Variants in ARHGAP44 observed in about 807,000 individuals in gnomAD.
ARHGAP44 encodes the protein rho GTPase-activating protein 44.
In ARHGAP44, 43 loss-of-function variants were observed where a neutral mutation model predicts 106.8. That is an observed-to-expected ratio of 0.40 (90% CI 0.32 to 0.52). ARHGAP44 has a LOEUF of 0.52. Ranked by LOEUF, ARHGAP44 falls within the 20% of genes least tolerant of loss-of-function variation. ARHGAP44 has a pLI of 0.48. For missense variants in ARHGAP44, 866 were observed against 1,050.5 expected (o/e 0.82, Z 2.43); for synonymous variants, 439 against 410.3 (o/e 1.07, Z -0.85).
rs1366501758 is a variant in ARHGAP44, at chr17:12,789,626, T to C, written c.-213T>C. Reference sequence around the variant, plus strand: ...TGCCCCGGGCATTGCGCGGCGCGCGTGAGGGGGATGCGGCAGGAGGCGGCG... The same window carrying C: ...TGCCCCGGGCATTGCGCGGCGCGCGCGAGGGGGATGCGGCAGGAGGCGGCG... On this transcript the variant is annotated 5_prime_UTR_variant, in exon 1 of 21. Transcript: ENST00000379672. 5 of 325,968 alleles carry C rather than the reference T, an allele frequency of 1.5e-5. No homozygotes were observed. Among genetic ancestry groups the C allele is most frequent in the African/African-American group, 4.4e-5 (2 of 45,960 alleles). The allele number at this position is 325,968 out of a possible 1,614,324, so 20.2% of individuals were successfully genotyped here.
chr17:12,967,243 T>C (rs1420307560), intron 16 of ARHGAP44, among the ~76,000 whole-genome samples: 1 of 138,200 alleles, frequency 7.2e-6, no homozygotes, highest in African/African-American at 2.9e-5. Context: ...TCCACAACTC[T>C]TTTTGCTTTT....
At chr17:12,832,739 A>C (rs1426952993) in intron 1 of ARHGAP44, among the ~76,000 whole-genome samples, 1 of 152,198 alleles carries the variant, frequency 6.6e-6, no homozygotes. Context: ...AATTTTCTCT[A>C]TTATAATTTT....
At chr17:12,798,461 C>T (rs765147306) in intron 1 of ARHGAP44, among the ~76,000 whole-genome samples, 1 of 151,836 alleles carries the variant, frequency 6.6e-6, no homozygotes, top group Non-Finnish European at 1.5e-5. Context: ...ATAATTTATT[C>T]CGTATATATT....
At chr17:12,950,847 G>T (rs2038975840) in intron 12 of ARHGAP44, among the ~76,000 whole-genome samples, 1 of 152,152 alleles carries the variant, frequency 6.6e-6, no homozygotes. Flanking sequence ...AGTTGTTGGT[G>T]TGTTTCTCAA....
At chr17:12,947,279 C>T (rs1182321766) in intron 10 of ARHGAP44, among the ~76,000 whole-genome samples, 1 of 152,212 alleles carries the variant, frequency 6.6e-6, no homozygotes, top group African/African-American at 2.4e-5. Context: ...TTACTGCCAG[C>T]CTCCTTGGCC....
chr17:12,825,491 T>C lies in ARHGAP44; in HGVS notation c.53+35600T>C, dbSNP rs373074431. On this transcript the variant is annotated intron_variant, in intron 1 of 20. Coordinates refer to ENST00000379672, the MANE Select transcript of ARHGAP44 (RefSeq NM_014859.6). The stretch of plus-strand genomic sequence containing the variant: ...GATTTTAAGGAGTTGGCTCATGTGG[T>C]TGTGGGGATTGTTAAGCTTGAAATC... 4.6e-5 allele frequency among the ~76,000 whole-genome samples: 7 copies of C among 151,700 alleles called. No homozygotes were observed. The East Asian group carries it at 7.8e-4, about 17-fold the overall frequency.
intron 1 of ARHGAP44, among the ~76,000 whole-genome samples, chr17:12,822,119 A>G (rs1430840995): frequency 6.6e-6 from 1 of 152,198 alleles, no homozygotes; most frequent in Non-Finnish European, 1.5e-5. Context: ...AAGGGTTGGC[A>G]AACTTTCCTG....
intron 1 of ARHGAP44, among the ~76,000 whole-genome samples, chr17:12,859,263 C>T (rs1346576565): frequency 6.6e-6 from 1 of 152,180 alleles, no homozygotes; most frequent in Admixed American, 6.5e-5. Context: ...GACAGATTCT[C>T]CCTCACAGCC....
chr17:12,811,561 A>G (rs1024783494), intron 1 of ARHGAP44, among the ~76,000 whole-genome samples: 1 of 152,076 alleles, frequency 6.6e-6, no homozygotes, highest in African/African-American at 2.4e-5. Context: ...GTATAAGTGG[A>G]CCTGCACAGT....
intron 16 of ARHGAP44, among the ~76,000 whole-genome samples, chr17:12,967,620 A>G (rs1189539064): frequency 2.0e-5 from 3 of 152,076 alleles, no homozygotes; most frequent in African/African-American, 7.2e-5. Flanking sequence ...GGGGGCTTAG[A>G]AGTGAGCAGA....
chr17:12,867,663 A>G (rs1440216287), intron 1 of ARHGAP44, among the ~76,000 whole-genome samples: 2 of 152,194 alleles, frequency 1.3e-5, no homozygotes, highest in African/African-American at 2.4e-5. Context: ...CATGGAATCT[A>G]TCCTTACACG....
chr17:12,792,650 T>A (rs951375091), intron 1 of ARHGAP44, among the ~76,000 whole-genome samples: 10 of 152,218 alleles, frequency 6.6e-5, no homozygotes, highest in African/African-American at 2.4e-4. Context: ...TTGATTTTTA[T>A]CCTTATATTT....
chr17:12,832,096 C>G (rs2035106703), intron 1 of ARHGAP44, among the ~76,000 whole-genome samples: 2 of 152,156 alleles, frequency 1.3e-5, no homozygotes, highest in Admixed American at 1.3e-4. Context: ...AGGGGAACTT[C>G]AGTAGAGAAA....
At chr17:12,829,155 G>A (rs2150809516) in intron 1 of ARHGAP44, among the ~76,000 whole-genome samples, 1 of 152,206 alleles carries the variant, frequency 6.6e-6, no homozygotes, top group African/African-American at 2.4e-5. Context: ...AAACTATTGT[G>A]TCTTGGGGGG....
At chr17:12,962,231 T>C (rs1294424224) in intron 16 of ARHGAP44, among the ~76,000 whole-genome samples, 1 of 152,126 alleles carries the variant, frequency 6.6e-6, no homozygotes, top group Non-Finnish European at 1.5e-5. Flanking sequence ...GGCTGTTATG[T>C]CCTAGATGTC....
At chr17:12,814,345 A>G (rs944045371) in intron 1 of ARHGAP44, among the ~76,000 whole-genome samples, 3 of 148,584 alleles carry the variant, frequency 2.0e-5, no homozygotes, top group Non-Finnish European at 4.5e-5. Flanking sequence ...AGTTCAAGCA[A>G]TTCTCCTGCC....
At chr17:12,863,083 TTTGAGACCAGCCTGGGCAACAAA>T (rs2036135637) in intron 1 of ARHGAP44, among the ~76,000 whole-genome samples, 2 of 151,492 alleles carry the variant, frequency 1.3e-5, no homozygotes, top group South Asian at 4.2e-4. Flanking sequence ...GGCCCAGGAG[TTTGAGACCAGCCTGGGCAACAAA>T]GTGAGACCTC....
chr17:12,900,936 T>A (rs1385524510), intron 3 of ARHGAP44, among the ~76,000 whole-genome samples: 2 of 66,712 alleles, frequency 3.0e-5, no homozygotes, highest in Non-Finnish European at 5.8e-5. Context: ...TTTTTTTTTT[T>A]AATTGAGATG....
chr17:12,910,878 A>G (rs899532415), intron 4 of ARHGAP44, among the ~76,000 whole-genome samples: 5 of 152,120 alleles, frequency 3.3e-5, no homozygotes, highest in Non-Finnish European at 7.3e-5. Flanking sequence ...TTTAAATTTA[A>G]CATCCAAAAA....
Sources: allele counts gnomAD v4.1 joint callset (sites outside exome capture counted in the v4.1 genomes callset), GRCh38; gene constraint gnomAD v4.1.1; transcripts MANE v1.5; gene names NCBI Gene and HGNC (gene_info 2026-07-23, HGNC 2026-07-21).